DCC: variants seen among roughly 807,000 people sequenced by gnomAD.
DCC encodes the protein netrin receptor DCC.
DCC carries 58 observed loss-of-function variants against 172.5 expected under a neutral mutation model. The ratio of observed to expected loss-of-function variants is 0.34; its 90% confidence interval spans 0.27 to 0.42. The LOEUF (loss-of-function observed/expected upper bound fraction) is 0.42, where lower values mean the gene tolerates loss of function less well. DCC is among the 10% of genes least tolerant of loss of function. The pLI is 1.00. For synonymous variants in DCC, 709 were observed against 644.5 expected, an observed-to-expected ratio of 1.10 and a Z score of -1.52; for missense variants, 1,740 against 1,791.0, an observed-to-expected ratio of 0.97 and a Z score of 0.51.
chr18:52,651,987 G>A (rs183158058), intron 1 of DCC, among the ~76,000 whole-genome samples: 1 of 152,278 alleles, frequency 6.6e-6, no homozygotes, highest in East Asian at 1.9e-4. Context: ...CACAGTATCA[G>A]CAAACCAGGT....
intron 3 of DCC, among the ~76,000 whole-genome samples, chr18:52,922,574 A>G (rs2040142931): frequency 6.6e-6 from 1 of 152,174 alleles, no homozygotes; most frequent in Non-Finnish European, 1.5e-5. Flanking sequence ...ATTATTGGCT[A>G]ATCCCACTGA....
chr18:53,115,612 C>A lies in DCC; in HGVS notation c.1262-41744C>A, dbSNP rs961172727. ...AAAAATACAAGCACTGTGGTGGTTG[C>A]ATTTTCTTAATGAAGGTAACATTTG... On this transcript the variant is annotated intron_variant, in intron 7 of 28. Transcript: ENST00000442544. Among the ~76,000 whole-genome samples the A allele has an allele frequency of 3.3e-5, 5 of 151,534 alleles. No homozygotes were observed. The East Asian group carries it at 9.8e-4, about 30-fold the overall frequency.
chr18:53,458,451 T>C (rs1014782947), intron 23 of DCC, among the ~76,000 whole-genome samples: 1 of 152,218 alleles, frequency 6.6e-6, no homozygotes, highest in Non-Finnish European at 1.5e-5. Flanking sequence ...ACTGACCCCC[T>C]GCTGTAGAGA....
intron 7 of DCC, among the ~76,000 whole-genome samples, chr18:53,153,509 T>A (rs763071278): frequency 6.6e-6 from 1 of 152,212 alleles, no homozygotes; most frequent in African/African-American, 2.4e-5. Flanking sequence ...ACATGAGATA[T>A]TCACCTTCTT....
At chr18:52,576,686 C>T (rs749005308) in intron 1 of DCC, among the ~76,000 whole-genome samples, 2 of 152,006 alleles carry the variant, frequency 1.3e-5, no homozygotes, top group Non-Finnish European at 2.9e-5. Flanking sequence ...AAAAATTAGC[C>T]GGGCATGGTG....
At chr18:52,955,742 C>T (rs1400991388) in intron 5 of DCC, among the ~76,000 whole-genome samples, 1 of 151,906 alleles carries the variant, frequency 6.6e-6, no homozygotes, top group Non-Finnish European at 1.5e-5. Context: ...TTGGCTATTC[C>T]AATAGGTTTG....
chr18:53,009,758 T>G (rs532807798), intron 5 of DCC, among the ~76,000 whole-genome samples: 94 of 152,080 alleles, frequency 6.2e-4, no homozygotes, highest in Admixed American at 9.2e-4. Context: ...AGCAATCACA[T>G]TTTCAGATAC....
Position 53,307,889 on chromosome 18 carries a change from GTGTGTATGTATATA to G in DCC, c.2053+2172_2053+2185del, listed in dbSNP as rs1390554316. Among the ~76,000 whole-genome samples the G allele has an allele frequency of 2.9e-3, 109 of 38,128 alleles. 1 individual carries two copies. Among genetic ancestry groups the G allele is most frequent in the African/African-American group, 6.2e-3 (105 of 16,816 alleles). The allele number at this position is 38,128 out of a possible 152,430, so 25.0% of individuals were successfully genotyped here. A position where few individuals can be genotyped will look rare whatever the true frequency, so the allele number is the denominator to read the frequency against. On this transcript the variant is annotated intron_variant, in intron 13 of 28. Coordinates refer to ENST00000442544, the MANE Select transcript of DCC (RefSeq NM_005215.4). ...CCATAACCCTTCTGGAAAGCAATGT[GTGTGTATGTATATA>G]TATATATATATATATATATATATAT...
At chr18:52,706,767 C>G (rs996811401) in intron 1 of DCC, among the ~76,000 whole-genome samples, 1 of 152,154 alleles carries the variant, frequency 6.6e-6, no homozygotes, top group Non-Finnish European at 1.5e-5. Context: ...ATAGGCACTG[C>G]CTCGAAGGTG....
intron 5 of DCC, among the ~76,000 whole-genome samples, chr18:53,049,573 T>G (rs1336789113): frequency 3.3e-5 from 5 of 152,150 alleles, no homozygotes; most frequent in African/African-American, 9.6e-5. Context: ...ACCATGCTGC[T>G]GTGGTTACTG....
chr18:52,640,947 A>G (rs1004714507), intron 1 of DCC, among the ~76,000 whole-genome samples: 4 of 152,192 alleles, frequency 2.6e-5, no homozygotes, highest in Non-Finnish European at 5.9e-5. Context: ...GAGACATCAC[A>G]CTACCTGATT....
intron 5 of DCC, among the ~76,000 whole-genome samples, chr18:52,938,385 C>G (rs73960012): frequency 5.3e-5 from 8 of 152,038 alleles, no homozygotes; most frequent in Admixed American, 2.6e-4. Flanking sequence ...CTGGTAGTGG[C>G]AATAAGCTGT....
intron 9 of DCC, among the ~76,000 whole-genome samples, chr18:53,200,510 T>G (rs2055520154): frequency 6.6e-6 from 1 of 152,172 alleles, no homozygotes; most frequent in African/African-American, 2.4e-5. Flanking sequence ...GTTGCTGCAA[T>G]TACTTGCACA....
chr18:52,625,222 A>G (rs2034551657), intron 1 of DCC, among the ~76,000 whole-genome samples: 1 of 152,216 alleles, frequency 6.6e-6, no homozygotes, highest in Admixed American at 6.5e-5. Context: ...ATTATGTAGC[A>G]TATAACTACA....
chr18:53,420,027 T>C (rs1302802942), intron 21 of DCC, among the ~76,000 whole-genome samples: 3 of 152,004 alleles, frequency 2.0e-5, no homozygotes, highest in Non-Finnish European at 1.5e-5. Context: ...CTAATTTTTT[T>C]GTCTTTTTAG....
chr18:53,121,297 A>T (rs11872442), intron 7 of DCC, among the ~76,000 whole-genome samples: 23,400 of 151,900 alleles, frequency 0.15, 2,258 homozygotes, highest in African/African-American at 0.27. Context: ...TGAAATACAA[A>T]ATATCATTTC....
chr18:52,780,745 C>G (rs956451390), intron 2 of DCC, among the ~76,000 whole-genome samples: 1 of 152,120 alleles, frequency 6.6e-6, no homozygotes, highest in African/African-American at 2.4e-5. Flanking sequence ...GGCAGACCAC[C>G]TGTCACGTGA....
chr18:53,139,042 A>G (rs1000076769), intron 7 of DCC, among the ~76,000 whole-genome samples: 2 of 152,150 alleles, frequency 1.3e-5, no homozygotes, highest in African/African-American at 4.8e-5. Flanking sequence ...TGTATTTGTG[A>G]CCTTGGGTGT....
intron 22 of DCC, among the ~76,000 whole-genome samples, chr18:53,443,967 G>C (rs997296430): frequency 6.6e-6 from 1 of 152,184 alleles, no homozygotes; most frequent in Non-Finnish European, 1.5e-5. Flanking sequence ...TAACAGATGA[G>C]GAGTTGTTTC....
Sources: gnomAD v4.1 joint callset for allele counts (sites outside exome capture counted in the v4.1 genomes callset) on GRCh38, gnomAD v4.1.1 for gene constraint, MANE v1.5 for transcripts, NCBI Gene and HGNC (gene_info 2026-07-23, HGNC 2026-07-21) for gene names.